Variants in CTNND2 observed in about 807,000 individuals in gnomAD.
CTNND2 encodes catenin delta 2.
In CTNND2, 22 loss-of-function variants were observed where a neutral mutation model predicts 144.4. The ratio of observed to expected loss-of-function variants is 0.15; its 90% CI spans 0.11 to 0.22. The LOEUF is 0.22. Among genes scored for constraint, CTNND2 ranks in the 10% least tolerant of loss-of-function variants. CTNND2 has a pLI of 1.00. For missense variants in CTNND2, 1,353 were observed against 1,618.8 expected, an observed-to-expected ratio of 0.84 and a Z score of 2.82; for synonymous variants, 751 against 695.6, an observed-to-expected ratio of 1.08 and a Z score of -1.25.
At chr5:11,274,703 C>A (rs949729121) in intron 9 of CTNND2, among the ~76,000 whole-genome samples, 1 of 151,298 alleles carries the variant, frequency 6.6e-6, no homozygotes, top group African/African-American at 2.4e-5. Context: ...TTATCTTCTC[C>A]GTGCATAAGA....
chr5:11,652,068 T>C (rs1490611739), intron 2 of CTNND2, among the ~76,000 whole-genome samples: 3 of 152,214 alleles, frequency 2.0e-5, no homozygotes, highest in East Asian at 3.9e-4. Context: ...GGCAGAATGA[T>C]ATAGCTTGGA....
At chr5:11,879,356 T>TATATATATATATATATATATATATAC (rs904010417) in intron 1 of CTNND2, among the ~76,000 whole-genome samples, 19 of 141,418 alleles carry the variant, frequency 1.3e-4, no homozygotes, top group East Asian at 8.2e-4. Flanking sequence ...TATATATATA[T>TATATATATATATATATATATATATAC]ACATATACAC....
At chr5:11,043,983 C>T (rs895652642) in intron 16 of CTNND2, among the ~76,000 whole-genome samples, 9 of 152,176 alleles carry the variant, frequency 5.9e-5, no homozygotes, top group African/African-American at 2.2e-4. Context: ...CACTAGGGAG[C>T]CCAGGCAGGG....
Position 11,384,703 on chromosome 5 carries a change from T to C in CTNND2, c.1139A>G (p.Tyr380Cys), listed in dbSNP as rs1758863047. The C allele has an allele frequency of 6.2e-7, 1 of 1,609,484 alleles. No individual in the cohort carries two copies. Among genetic ancestry groups the C allele is most frequent in the African/African-American group, 1.3e-5 (1 of 74,836 alleles). Reference protein sequence around the residue: ...EQYSKHSQELYATATLQRPGS... With the variant: ...EQYSKHSQELCATATLQRPGS... The stretch of plus-strand genomic sequence containing the variant: ...CGGCCTCTGGAGGGTGGCCGTGGCA[T>C]ACAGCTCCTGCGAGTGCTTGCTGTA... The change falls in exon 7 of 22, where the codon TAT becomes TGT. Residue 380 changes from tyrosine (Y) to cysteine (C), a missense_variant. By Grantham distance (194) the Tyr-to-Cys change is radical. Around this residue, in one of 4 missense-constraint regions of CTNND2, gnomAD observed 708 missense variants for 706.4 expected, o/e 1.00. Coordinates refer to ENST00000304623, the MANE Select transcript of CTNND2 (RefSeq NM_001332.4). The surrounding 1 kb of genome is among the most constrained non-coding windows in gnomAD (Gnocchi z 5.2).
chr5:11,184,116 G>A (rs4702791), intron 11 of CTNND2, among the ~76,000 whole-genome samples: 2 of 152,052 alleles, frequency 1.3e-5, no homozygotes, highest in Non-Finnish European at 2.9e-5. Flanking sequence ...TCAGTATCTC[G>A]CAGTCTTAGA....
intron 12 of CTNND2, among the ~76,000 whole-genome samples, chr5:11,146,330 G>A (rs1757241573): frequency 6.6e-6 from 1 of 152,158 alleles, no homozygotes; most frequent in Admixed American, 6.5e-5. Flanking sequence ...AGGGGAGGGG[G>A]CAGACTGGCT....
chr5:11,145,705 T>C (rs1226833129), intron 12 of CTNND2, among the ~76,000 whole-genome samples: 1 of 152,180 alleles, frequency 6.6e-6, no homozygotes, highest in Admixed American at 6.5e-5. Context: ...TGCATTTGTA[T>C]AGCAAGAGGA....
At chr5:11,082,915 C>A in intron 15 of CTNND2, 69 bp from the exon 16 acceptor site, 2 of 1,545,742 alleles carry the variant, frequency 1.3e-6, no homozygotes, top group Non-Finnish European at 1.8e-6. Context: ...AGTACATTTG[C>A]GTTTTCAGGC....
chr5:11,221,387 T>C (rs1271629074), intron 10 of CTNND2, among the ~76,000 whole-genome samples: 1 of 152,196 alleles, frequency 6.6e-6, no homozygotes, highest in African/African-American at 2.4e-5. Context: ...TTATTATGCA[T>C]TTGTAGTTCC....
intron 1 of CTNND2, among the ~76,000 whole-genome samples, chr5:11,761,179 C>T (rs1384563645): frequency 6.6e-6 from 1 of 152,140 alleles, no homozygotes; most frequent in Non-Finnish European, 1.5e-5. Flanking sequence ...GCACACGGCA[C>T]CCGCATGAGG....
chr5:11,564,520 T>C (rs974057988), intron 3 of CTNND2, among the ~76,000 whole-genome samples: 13 of 152,196 alleles, frequency 8.5e-5, no homozygotes, highest in African/African-American at 3.1e-4. Context: ...CAAGGGGCAA[T>C]TTCATAACTT....
At chr5:11,872,729 GT>G (rs1159821472) in intron 1 of CTNND2, among the ~76,000 whole-genome samples, 3 of 151,890 alleles carry the variant, frequency 2.0e-5, no homozygotes, top group African/African-American at 7.2e-5. Context: ...TGATGGGGTT[GT>G]TTTTTTTCTT....
At chr5:11,729,101 T>A (rs1581786992) in intron 2 of CTNND2, among the ~76,000 whole-genome samples, 2 of 151,882 alleles carry the variant, frequency 1.3e-5, no homozygotes, top group Admixed American at 1.3e-4. Flanking sequence ...GGGACCTAAT[T>A]CCCAGCTTCT....
At chr5:11,723,927 GCACC>G (rs1262737962) in intron 2 of CTNND2, among the ~76,000 whole-genome samples, 1 of 151,978 alleles carries the variant, frequency 6.6e-6, no homozygotes, top group Non-Finnish European at 1.5e-5. Context: ...GTAGTGGCGG[GCACC>G]TGTAGTCCCA....
At chr5:11,447,957 T>C (rs1469007957) in intron 3 of CTNND2, among the ~76,000 whole-genome samples, 3 of 152,220 alleles carry the variant, frequency 2.0e-5, no homozygotes, top group South Asian at 2.1e-4. Flanking sequence ...TCATATAACA[T>C]ACTCAATTTT....
rs150401103 is a variant in CTNND2 at position 11,454,891 on chromosome 5, C to T, written c.288-42822G>A. On this transcript the variant is annotated intron_variant, in intron 3 of 21. Coordinates refer to ENST00000304623, the MANE Select transcript of CTNND2 (RefSeq NM_001332.4). ...TGCTAGGATTACAGGTGTGAGCCAC[C>T]GCGCCTGGCTTTTTTTTTTTCTTTC... Among the ~76,000 whole-genome samples, 1,013 of 150,964 alleles carry T rather than the reference C, an allele frequency of 6.7e-3. 15 individuals are homozygous for T. The highest frequency in any genetic ancestry group is 0.024 in the African/African-American group (973 of 41,160).
At chr5:11,813,205 A>G (rs1792434415) in intron 1 of CTNND2, among the ~76,000 whole-genome samples, 3 of 152,232 alleles carry the variant, frequency 2.0e-5, no homozygotes, top group Non-Finnish European at 4.4e-5. Context: ...TATACTGTAC[A>G]GATATGTAGC....
At chr5:11,485,047 G>A (rs979984518) in intron 3 of CTNND2, among the ~76,000 whole-genome samples, 2 of 152,052 alleles carry the variant, frequency 1.3e-5, no homozygotes, top group African/African-American at 4.8e-5. Context: ...AAAAAAATGT[G>A]GTTTCATGGC....
At chr5:11,680,262 A>G (rs1402672419) in intron 2 of CTNND2, among the ~76,000 whole-genome samples, 1 of 152,292 alleles carries the variant, frequency 6.6e-6, no homozygotes, top group Non-Finnish European at 1.5e-5. Flanking sequence ...CAGACTTACA[A>G]TAATGCTAAG....
Sources: gnomAD v4.1 joint callset for allele counts (sites outside exome capture counted in the v4.1 genomes callset) on GRCh38, gnomAD v4.1.1 for gene constraint, gnomAD v4.1.1 regional missense constraint, Gnocchi (gnomAD v3.1) non-coding constraint, MANE v1.5 for transcripts, NCBI Gene and HGNC (gene_info 2026-07-23, HGNC 2026-07-21) for gene names.